Variants in SNX24 observed in about 807,000 individuals in gnomAD.
SNX24 encodes the protein sorting nexin-24.
A neutral mutation model predicts 28.7 loss-of-function variants in SNX24; 22 were observed. The ratio of observed to expected loss-of-function variants is 0.77; its 90% CI spans 0.55 to 1.10. The LOEUF (loss-of-function observed/expected upper bound fraction) is 1.10. Among genes scored for constraint, SNX24 ranks in the 50% least tolerant of loss-of-function variants. The probability of loss-of-function intolerance (pLI) is 0.00; values close to 1 mark genes in which losing one functional copy is unlikely to be tolerated. For synonymous variants in SNX24, 69 were observed against 71.5 expected (o/e 0.96, Z 0.18); for missense variants, 221 against 201.1 (o/e 1.10, Z -0.60).
At chr5:122,903,187 G>A (rs549491499) in intron 1 of SNX24, among the ~76,000 whole-genome samples, 11 of 152,070 alleles carry the variant, frequency 7.2e-5, no homozygotes, top group African/African-American at 2.4e-4. Flanking sequence ...GCTCACTGCA[G>A]CCTTGACCTC....
At chr5:122,956,196 A>G (rs1760201518) in intron 3 of SNX24, among the ~76,000 whole-genome samples, 1 of 152,132 alleles carries the variant, frequency 6.6e-6, no homozygotes, top group African/African-American at 2.4e-5. Flanking sequence ...TGCAGCTATA[A>G]TAGAATGCCA....
intron 3 of SNX24, among the ~76,000 whole-genome samples, chr5:122,982,164 G>A (rs928836329): frequency 2.6e-5 from 4 of 152,162 alleles, no homozygotes; most frequent in African/African-American, 9.7e-5. Context: ...AGGGGGAAAA[G>A]GAAGGAGAAC....
At chr5:122,891,287 G>C (rs903940396) in intron 1 of SNX24, among the ~76,000 whole-genome samples, 6 of 152,148 alleles carry the variant, frequency 3.9e-5, no homozygotes, top group South Asian at 4.1e-4. Context: ...CGATTGGCAG[G>C]TAATTTTAAG....
chr5:123,016,952 A>G (rs542274780), intron 5 of SNX24, among the ~76,000 whole-genome samples: 1 of 152,140 alleles, frequency 6.6e-6, no homozygotes, highest in East Asian at 1.9e-4. Context: ...GTAAAACTAG[A>G]TGCAACACAG....
At chr5:123,025,687 GA>G in intron 5 of SNX24, 1 of 1,269,964 alleles carries the variant, frequency 7.9e-7, no homozygotes, top group South Asian at 1.4e-5. Context: ...CTATATAATG[GA>G]TCTCTAACAA....
chr5:122,932,734 C>T (rs1759009276), intron 1 of SNX24, among the ~76,000 whole-genome samples: 1 of 151,976 alleles, frequency 6.6e-6, no homozygotes, highest in Admixed American at 6.5e-5. Flanking sequence ...TGGCGGGCGC[C>T]TGTAGTCCCA....
At chr5:122,962,455 T>C (rs1212974424) in intron 3 of SNX24, among the ~76,000 whole-genome samples, 1 of 152,268 alleles carries the variant, frequency 6.6e-6, no homozygotes, top group Non-Finnish European at 1.5e-5. Context: ...TGCAGAGCAG[T>C]GTTTTAAATT....
chr5:122,940,999 T>C (rs1448340074), intron 2 of SNX24, among the ~76,000 whole-genome samples: 1 of 152,192 alleles, frequency 6.6e-6, no homozygotes, highest in African/African-American at 2.4e-5. Flanking sequence ...GTCACTCCAC[T>C]TCAGCTTGTG....
At chr5:122,960,696 GA>G (rs985193018) in intron 3 of SNX24, among the ~76,000 whole-genome samples, 2 of 152,176 alleles carry the variant, frequency 1.3e-5, no homozygotes, top group Admixed American at 1.3e-4. Context: ...GAGAGCAACA[GA>G]TTAAACTCAA....
At chr5:122,980,638 T>G (rs1561689611) in intron 3 of SNX24, among the ~76,000 whole-genome samples, 1 of 151,234 alleles carries the variant, frequency 6.6e-6, no homozygotes, top group African/African-American at 2.4e-5. Flanking sequence ...GAGTTTAAGG[T>G]GCAAGAGGCA....
At chr5:122,954,187 T>TTCTCTC (rs150039118) in intron 3 of SNX24, among the ~76,000 whole-genome samples, 90,640 of 144,312 alleles carry the variant, frequency 0.63, 27,786 homozygotes, top group East Asian at 0.77. Flanking sequence ...GCAGTGAACT[T>TTCTCTC]TCTCTCTCTC....
intron 3 of SNX24, among the ~76,000 whole-genome samples, chr5:122,963,430 C>T (rs1760568877): frequency 6.6e-6 from 1 of 152,126 alleles, no homozygotes; most frequent in Admixed American, 6.5e-5. Context: ...GACAGAAAGA[C>T]CACATATTAC....
At chr5:122,984,290 G>GAAA (rs11395046) in intron 3 of SNX24, among the ~76,000 whole-genome samples, 7 of 150,086 alleles carry the variant, frequency 4.7e-5, no homozygotes, top group Admixed American at 1.3e-4. Context: ...CTACAATACA[G>GAAA]AAAAAAAAAA....
At chr5:123,004,570 C>A (rs959225379) in intron 6 of SNX24, among the ~76,000 whole-genome samples, 4 of 152,330 alleles carry the variant, frequency 2.6e-5, no homozygotes, top group Admixed American at 6.5e-5. Context: ...CACGTGTATA[C>A]ACCTGAGTCA....
At chr5:122,963,176 A>G (rs1432903296) in intron 3 of SNX24, among the ~76,000 whole-genome samples, 1 of 152,170 alleles carries the variant, frequency 6.6e-6, no homozygotes, top group Non-Finnish European at 1.5e-5. Context: ...ACAAGTTGCA[A>G]TGAGCCGAGA....
At chr5:123,013,386 T>C (rs1272157578), downstream of SNX24, among the ~76,000 whole-genome samples, 1 of 152,226 alleles carries the variant, frequency 6.6e-6, no homozygotes, top group Non-Finnish European at 1.5e-5. Flanking sequence ...TTGCAAGTAA[T>C]TATTTTCATT....
Position 122,845,654 on chromosome 5 carries a change from C to CT in SNX24, c.24dup (p.Arg9SerfsTer3). 7.0e-7 allele frequency: 1 copy of CT among 1,433,644 alleles called. No homozygotes were observed. Among genetic ancestry groups the CT allele is most frequent in the Non-Finnish European group, 9.2e-7 (1 of 1,084,280 alleles). 88.8% of individuals were successfully genotyped at this position (1,433,644 alleles called of 1,614,324 possible). A position where few individuals can be genotyped will look rare whatever the true frequency, so the allele number is the denominator to read the frequency against. On this transcript the variant is annotated frameshift_variant, in exon 1 of 7. Transcript: ENST00000261369. LOFTEE classifies it high-confidence loss of function. ...CGGCCATGGAGGTCTACATCCCGTC[C>CT]TTTCGCTATGAAGAGAGCGACCTGG...
At chr5:122,870,323 C>T (rs781495193) in intron 1 of SNX24, among the ~76,000 whole-genome samples, 1 of 152,122 alleles carries the variant, frequency 6.6e-6, no homozygotes, top group Non-Finnish European at 1.5e-5. Flanking sequence ...CAGGAAGCTC[C>T]GCTGCTTCAA....
chr5:122,957,306 C>T (rs1389334365), intron 3 of SNX24, among the ~76,000 whole-genome samples: 1 of 152,160 alleles, frequency 6.6e-6, no homozygotes, highest in Non-Finnish European at 1.5e-5. Context: ...TGGCACTCTT[C>T]TCAAAAAACC....
Sources: gnomAD v4.1 joint callset for allele counts (sites outside exome capture counted in the v4.1 genomes callset) on GRCh38, gnomAD v4.1.1 for gene constraint, MANE v1.5 for transcripts, NCBI Gene and HGNC (gene_info 2026-07-23, HGNC 2026-07-21) for gene names.